The following CENPP variants were observed in gnomAD, a reference collection of about 807,000 sequenced individuals.
CENPP encodes centromere protein P.
A neutral mutation model predicts 35.6 loss-of-function variants in CENPP; 24 were observed. That is an observed-to-expected ratio of 0.67 (90% CI 0.49 to 0.95). The LOEUF (loss-of-function observed/expected upper bound fraction) is 0.95. Ranked by LOEUF, CENPP falls within the 40% of genes least tolerant of loss-of-function variation. CENPP has a pLI of 0.00. For missense variants in CENPP, 332 were observed against 345.3 expected, an observed-to-expected ratio of 0.96 and a Z score of 0.31; for synonymous variants, 120 against 125.5, an observed-to-expected ratio of 0.96 and a Z score of 0.29.
At position 92,431,086 on chromosome 9, in the gene CENPP, G is replaced by A. The variant is rs548261021; in HGVS notation, c.564+51227G>A. 7.2e-5 allele frequency among the ~76,000 whole-genome samples: 11 copies of A among 152,186 alleles called. No homozygotes were observed. The South Asian group carries it at 1.9e-3, about 26-fold the overall frequency. On this transcript the variant is annotated intron_variant, in intron 5 of 7. Coordinates refer to ENST00000375587, the MANE Select transcript of CENPP (RefSeq NM_001012267.3). ...TGGGATTACAGGCGTGAGCCACTGC[G>A]CCTGGCCAGTTTCTTTATTTTTAAA...
Position 92,619,619 on chromosome 9 carries a change from C to A in CENPP, c.*6470C>A, listed in dbSNP as rs138393379. On this transcript the variant is annotated 3_prime_UTR_variant, in exon 8 of 8. Coordinates refer to ENST00000375587, the MANE Select transcript of CENPP (RefSeq NM_001012267.3). ...GTCACACAGGAAGCCTCTGCCCCCC[C>A]ACACAACCTTCCTTCCCAGTAGCCA... 9 of 1,453,642 alleles carry A rather than the reference C, an allele frequency of 6.2e-6. No homozygotes were observed. Among genetic ancestry groups the A allele is most frequent in the East Asian group, 4.9e-5 (2 of 40,600 alleles). The allele number at this position is 1,453,642 out of a possible 1,614,324, so 90.0% of individuals were successfully genotyped here.
At chr9:92,462,359 A>C (rs527448999) in intron 5 of CENPP, among the ~76,000 whole-genome samples, 1 of 152,268 alleles carries the variant, frequency 6.6e-6, no homozygotes, top group East Asian at 1.9e-4. Flanking sequence ...CCCAGTGAAT[A>C]ATCGTTCTTT....
At chr9:92,522,093 G>GTTTTT (rs1423060835) in intron 5 of CENPP, among the ~76,000 whole-genome samples, 3 of 151,600 alleles carry the variant, frequency 2.0e-5, no homozygotes, top group Non-Finnish European at 4.4e-5. Context: ...GTTTTGTTTT[G>GTTTTT]TTTTTAATCT....
intron 4 of CENPP, among the ~76,000 whole-genome samples, chr9:92,371,871 T>C (rs907490755): frequency 3.0e-5 from 4 of 132,590 alleles, no homozygotes; most frequent in African/African-American, 1.1e-4. Flanking sequence ...TTTGTTGTTG[T>C]TTTTTTTTTT....
At chr9:92,470,177 A>T in intron 5 of CENPP, among the ~76,000 whole-genome samples, 1 of 152,302 alleles carries the variant, frequency 6.6e-6, no homozygotes, top group East Asian at 1.9e-4. Flanking sequence ...TAGAATATTA[A>T]AATGATACTA....
chr9:92,510,364 C>T (rs777874249), intron 5 of CENPP, among the ~76,000 whole-genome samples: 2 of 152,220 alleles, frequency 1.3e-5, no homozygotes, highest in African/African-American at 2.4e-5. Flanking sequence ...TCCACCTTTA[C>T]AGCAATAGAC....
intron 5 of CENPP, among the ~76,000 whole-genome samples, chr9:92,588,153 A>T (rs1284123041): frequency 2.6e-5 from 4 of 151,226 alleles, no homozygotes; most frequent in African/African-American, 9.7e-5. Context: ...AAATAAAATA[A>T]AATAGTTACT....
At chr9:92,521,064 A>G (rs1219103164) in intron 5 of CENPP, among the ~76,000 whole-genome samples, 2 of 152,338 alleles carry the variant, frequency 1.3e-5, no homozygotes, top group East Asian at 1.9e-4. Context: ...ACTAAATGCT[A>G]TTGAATTGTA....
At chr9:92,601,932 T>G (rs754492198) in intron 5 of CENPP, among the ~76,000 whole-genome samples, 8 of 152,168 alleles carry the variant, frequency 5.3e-5, no homozygotes, top group Non-Finnish European at 1.0e-4. Context: ...CCTTCCTAGC[T>G]CTTTCCACTG....
At chr9:92,517,770 C>T in intron 5 of CENPP, 2 of 1,614,198 alleles carry the variant, frequency 1.2e-6, no homozygotes, top group African/African-American at 1.3e-5. Context: ...GGTTTCATCA[C>T]AAAGAACTCT....
intron 4 of CENPP, among the ~76,000 whole-genome samples, chr9:92,352,505 G>GTGTGTGTGTGTGTGTATAAATA: frequency 2.0e-5 from 1 of 49,766 alleles, no homozygotes; most frequent in African/African-American, 1.8e-4. Context: ...GTGTGTGTGT[G>GTGTGTGTGTGTGTGTATAAATA]TATACATATA....
rs71362395 is a variant in CENPP at position 92,525,893 on chromosome 9, CAAAAAAAAAAA to C, written c.565-85409_565-85399del. Among the ~76,000 whole-genome samples, 12 of 43,908 alleles carry C rather than the reference CAAAAAAAAAAA, an allele frequency of 2.7e-4. No individual in the cohort carries two copies. In the East Asian group the frequency reaches 8.0e-3, roughly 29 times the overall value. 28.8% of individuals were successfully genotyped at this position (43,908 alleles called of 152,430 possible). On this transcript the variant is annotated intron_variant, in intron 5 of 7. Transcript: ENST00000375587. Reference sequence around the variant, plus strand: ...CCAGAGTGCAGAGAGACTCTATCTCCAAAAAAAAAAAAAAAAAAAAAAGCACATACAATTAT... The same window carrying C: ...CCAGAGTGCAGAGAGACTCTATCTCCAAAAAAAAAAAGCACATACAATTAT...
intron 5 of CENPP, chr9:92,500,636 A>G: frequency 1.5e-6 from 2 of 1,323,980 alleles, no homozygotes; most frequent in Non-Finnish European, 2.1e-6. Flanking sequence ...TTTTTCCCTT[A>G]ACGTAAATCC....
rs1299513685 is a variant in CENPP at position 92,343,793 on chromosome 9, T to TA, written c.379-1906_379-1905insA. 9.2e-5 allele frequency among the ~76,000 whole-genome samples: 14 copies of TA among 151,674 alleles called. No individual in the cohort carries two copies. The East Asian group carries it at 1.7e-3, about 19-fold the overall frequency. ...AGACCCTGTCTCTAAAAAATATATA[T>TA]TTTTTTAAATAAAAAAGAAATTAGC... On this transcript the variant is annotated intron_variant, in intron 3 of 7. Transcript: ENST00000375587.
At chr9:92,611,163 A>T (rs1851228921) in intron 5 of CENPP, 151 bp from the exon 6 acceptor site, 1 of 662,600 alleles carries the variant, frequency 1.5e-6, no homozygotes, top group South Asian at 1.8e-5. Context: ...TGTGACAGCA[A>T]GGGCAAGAGG....
At chr9:92,577,719 T>C (rs2131362454) in intron 5 of CENPP, among the ~76,000 whole-genome samples, 2 of 152,198 alleles carry the variant, frequency 1.3e-5, no homozygotes, top group South Asian at 4.2e-4. Flanking sequence ...ACTTGGAAGC[T>C]GAGGTGGGAA....
chr9:92,405,601 T>G (rs982499338), intron 5 of CENPP, among the ~76,000 whole-genome samples: 2 of 152,158 alleles, frequency 1.3e-5, no homozygotes, highest in African/African-American at 4.8e-5. Flanking sequence ...CAGTAAAACT[T>G]TTTTAAATAC....
chr9:92,405,226 T>C (rs1843272713), intron 5 of CENPP, among the ~76,000 whole-genome samples: 1 of 152,150 alleles, frequency 6.6e-6, no homozygotes, highest in South Asian at 2.1e-4. Flanking sequence ...TACTTTAATA[T>C]TGAAATTGGC....
intron 1 of CENPP, among the ~76,000 whole-genome samples, chr9:92,331,824 A>G (rs1484821350): frequency 6.6e-6 from 1 of 152,180 alleles, no homozygotes; most frequent in African/African-American, 2.4e-5. Flanking sequence ...TTAGCTAGGC[A>G]CAGTGGCATA....
Sources: gnomAD v4.1 joint callset for allele counts (sites outside exome capture counted in the v4.1 genomes callset) on GRCh38, gnomAD v4.1.1 for gene constraint, MANE v1.5 for transcripts, NCBI Gene and HGNC (gene_info 2026-07-23, HGNC 2026-07-21) for gene names.